The following PLEKHG7 variants were observed in gnomAD, a reference collection of about 807,000 sequenced individuals.
PLEKHG7 encodes pleckstrin homology domain-containing family G member 7.
PLEKHG7 carries 77 observed loss-of-function variants against 85.2 expected under a neutral mutation model. The ratio of observed to expected loss-of-function variants is 0.90; its 90% CI spans 0.75 to 1.09. The LOEUF is 1.09. Ranked by LOEUF, PLEKHG7 falls within the 50% of genes least tolerant of loss-of-function variation. The pLI is 0.00. For missense variants in PLEKHG7, 777 were observed against 804.3 expected (o/e 0.97, Z 0.41); for synonymous variants, 301 against 302.4 (o/e 1.00, Z 0.05).
In PLEKHG7 at chr12:92,768,980, T is replaced by C. The variant is rs1293507905; in HGVS notation, c.1871-3T>C. ...TTTTTGTCTTTGTAATATCTTTTTC[T>C]AGTCTTTGGGCTGAGAAATGCTTTT... is the stretch of plus-strand genomic sequence containing the variant. On this transcript the variant is annotated splice_polypyrimidine_tract_variant and splice_region_variant and intron_variant, in intron 15 of 16. Transcript: ENST00000344636. 2 of 1,559,580 alleles carry C rather than the reference T, an allele frequency of 1.3e-6. No individual in the cohort carries two copies. Among genetic ancestry groups the C allele is most frequent in the Admixed American group, 1.8e-5 (1 of 56,536 alleles).
intron 13 of PLEKHG7, among the ~76,000 whole-genome samples, 163 bp downstream of exon 13, chr12:92,756,554 A>G (rs1206553038): frequency 1.3e-5 from 2 of 152,240 alleles, no homozygotes; most frequent in Admixed American, 6.5e-5. Flanking sequence ...TCAGGCTTGA[A>G]TGAAGACTTC....
intron 4 of PLEKHG7, among the ~76,000 whole-genome samples, chr12:92,729,511 C>T (rs1413836312): frequency 1.3e-5 from 2 of 151,360 alleles, no homozygotes; most frequent in Non-Finnish European, 2.9e-5. Flanking sequence ...TTCAGCCTCA[C>T]ACTGATATCT....
At chr12:92,751,818 G>C (rs1872698327) in intron 10 of PLEKHG7, among the ~76,000 whole-genome samples, 1 of 152,050 alleles carries the variant, frequency 6.6e-6, no homozygotes, top group African/African-American at 2.4e-5. Context: ...GGCGTTTGAG[G>C]CTAGCCTGGG....
chr12:92,728,514 A>G (rs1198112913), intron 3 of PLEKHG7, among the ~76,000 whole-genome samples: 11 of 150,562 alleles, frequency 7.3e-5, no homozygotes, highest in Non-Finnish European at 1.6e-4. Context: ...ATATATGTAT[A>G]TACCACATCC....
intron 1 of PLEKHG7, among the ~76,000 whole-genome samples, chr12:92,703,343 G>A (rs1181601276): frequency 1.3e-5 from 2 of 152,314 alleles, no homozygotes; most frequent in East Asian, 3.9e-4. Context: ...AGCTTGGAAG[G>A]TCAAAGGTTG....
chr12:92,723,646 C>T (rs184269608), intron 3 of PLEKHG7, among the ~76,000 whole-genome samples: 50 of 152,208 alleles, frequency 3.3e-4, no homozygotes, highest in African/African-American at 1.0e-3. Context: ...TCTGCATTTC[C>T]CAAATGGCAA....
intron 7 of PLEKHG7, among the ~76,000 whole-genome samples, chr12:92,740,155 C>T (rs1011906021): frequency 5.3e-5 from 8 of 152,150 alleles, no homozygotes; most frequent in Non-Finnish European, 1.0e-4. Context: ...ATAATTTGTC[C>T]TTTTGTCCCT....
intron 10 of PLEKHG7, among the ~76,000 whole-genome samples, chr12:92,745,993 T>C (rs1872525713): frequency 6.6e-6 from 1 of 152,242 alleles, no homozygotes; most frequent in Admixed American, 6.5e-5. Flanking sequence ...TTACACTGTA[T>C]TCTACATGAA....
At chr12:92,711,564 A>T (rs1871367290) in intron 3 of PLEKHG7, among the ~76,000 whole-genome samples, 1 of 152,146 alleles carries the variant, frequency 6.6e-6, no homozygotes, top group Non-Finnish European at 1.5e-5. Context: ...TGACTTGATG[A>T]CCCATAGTCA....
chr12:92,719,432 A>T (rs1871575717), intron 3 of PLEKHG7, among the ~76,000 whole-genome samples: 1 of 152,220 alleles, frequency 6.6e-6, no homozygotes, highest in African/African-American at 2.4e-5. Context: ...CTGCCTGCTG[A>T]AAAAGACTAC....
rs1253814082 is a variant in PLEKHG7, at chr12:92,706,792, T to C, written c.161T>C (p.Leu54Ser). Residue 54 changes from leucine to serine, a missense_variant, in exon 2 of 17, where the codon TTA (leucine) becomes TCA (serine). Around this residue, in one of 3 missense-constraint regions of PLEKHG7, gnomAD observed 252 missense variants for 241.9 expected, o/e 1.04. Transcript: ENST00000344636. ...TCCACCTCGCCCACTTTGAGGAGATTAAGGACCCGTGGCTGTGGGACAAGG... is the reference window on the plus strand; with the variant it reads ...TCCACCTCGCCCACTTTGAGGAGATCAAGGACCCGTGGCTGTGGGACAAGG... ...RISTSPTLRR[L>S]RTRGCGTRQD... is the part of the protein sequence containing the mutation. 3.1e-6 allele frequency: 5 copies of C among 1,613,962 alleles called. No homozygotes were observed. Among genetic ancestry groups the C allele is most frequent in the Non-Finnish European group, 4.2e-6 (5 of 1,180,006 alleles).
intron 13 of PLEKHG7, 109 bp from the exon 14 acceptor site, chr12:92,761,643 A>AAAGG (rs1424474887): frequency 3.8e-6 from 2 of 520,724 alleles, no homozygotes; most frequent in Middle Eastern, 3.7e-4. Flanking sequence ...AGAAAGAAAG[A>AAAGG]AAGAAAGAAA....
chr12:92,733,423 C>A (rs1349365260), intron 5 of PLEKHG7, among the ~76,000 whole-genome samples: 2 of 151,924 alleles, frequency 1.3e-5, no homozygotes, highest in Non-Finnish European at 2.9e-5. Flanking sequence ...ACTTTTTTTC[C>A]CAAAAATAAA....
chr12:92,745,948 G>A (rs983524653), intron 10 of PLEKHG7, among the ~76,000 whole-genome samples: 1 of 152,190 alleles, frequency 6.6e-6, no homozygotes, highest in East Asian at 1.9e-4. Flanking sequence ...GGCTCTTGCA[G>A]GAGTTAGTTC....
chr12:92,733,376 C>A (rs1455622884), intron 5 of PLEKHG7, among the ~76,000 whole-genome samples: 3 of 152,208 alleles, frequency 2.0e-5, no homozygotes, highest in Non-Finnish European at 4.4e-5. Flanking sequence ...GTTTGGAAAA[C>A]AACTTATTCT....
intron 3 of PLEKHG7, among the ~76,000 whole-genome samples, chr12:92,727,595 CT>C (rs546087744): frequency 1.3e-4 from 20 of 149,048 alleles, no homozygotes; most frequent in African/African-American, 3.2e-4. Flanking sequence ...TAATTTCATG[CT>C]TTTTTTTTTC....
intron 3 of PLEKHG7, among the ~76,000 whole-genome samples, chr12:92,725,087 G>T (rs1252513468): frequency 6.6e-6 from 1 of 152,090 alleles, no homozygotes; most frequent in Non-Finnish European, 1.5e-5. Context: ...TTAAGTACTT[G>T]CCCCTTTGTG....
rs755715110 is a variant in PLEKHG7 at position 92,764,120 on chromosome 12, C to A, written c.1796C>A (p.Ser599Ter). 1.9e-6 allele frequency: 3 copies of A among 1,612,640 alleles called. No homozygotes were observed. The highest frequency in any genetic ancestry group is 2.5e-6 in the Non-Finnish European group (3 of 1,179,190). Residue 599 changes from serine to a stop codon, truncating the protein, a stop_gained, in exon 15 of 17, where the codon TCG (serine) becomes TAG (stop). Coordinates refer to ENST00000344636, the MANE Select transcript of PLEKHG7 (RefSeq NM_001377329.1). LOFTEE classifies it high-confidence loss of function. ...ELQAVIKEGGSCTVLDQPIPL... is the reference protein window; with the variant it reads ...ELQAVIKEGG The stretch of plus-strand genomic sequence containing the variant: ...CAAGCAGTAATAAAAGAGGGTGGTT[C>A]GTGTACAGTACTCGATCAGCCTATT...
chr12:92,770,328 A>G lies in PLEKHG7; in HGVS notation c.*133A>G, dbSNP rs566561675. 9.7e-6 allele frequency: 7 copies of G among 719,880 alleles called. No homozygotes were observed. In the East Asian group the frequency reaches 2.0e-4, roughly 21 times the overall value. 44.6% of individuals were successfully genotyped at this position (719,880 alleles called of 1,614,324 possible). ...TTTTAAAGAAGTTTCAGAATTTGAAATTTTGAGCTAGGAAAATCCTCAGTA... is the reference window on the plus strand; with the variant it reads ...TTTTAAAGAAGTTTCAGAATTTGAAGTTTTGAGCTAGGAAAATCCTCAGTA... On this transcript the variant is annotated 3_prime_UTR_variant, in exon 17 of 17. Transcript: ENST00000344636.
Sources: allele counts gnomAD v4.1 joint callset (sites outside exome capture counted in the v4.1 genomes callset), GRCh38; gene constraint gnomAD v4.1.1; regional missense constraint gnomAD v4.1.1; transcripts MANE v1.5; gene names NCBI Gene and HGNC (gene_info 2026-07-23, HGNC 2026-07-21).